The following PHF24 variants were observed in gnomAD, a reference collection of about 807,000 sequenced individuals.
PHF24 encodes the protein PHD finger protein 24, also known as Galpha inhibitory interacting protein.
In PHF24, 25 loss-of-function variants were observed where a neutral mutation model predicts 42.6. That is an observed-to-expected ratio of 0.59 (90% CI 0.43 to 0.82). The LOEUF (loss-of-function observed/expected upper bound fraction) is 0.82, where lower values mean the gene tolerates loss of function less well. Among genes scored for constraint, PHF24 ranks in the 40% least tolerant of loss-of-function variants. The probability of loss-of-function intolerance (pLI) is 0.00; values close to 1 mark genes in which losing one functional copy is unlikely to be tolerated. For synonymous variants in PHF24, 185 were observed against 204.8 expected (o/e 0.90, Z 0.83); for missense variants, 470 against 538.1 (o/e 0.87, Z 1.25).
At chr9:34,908,307 A>G in the PHF24 span, among the ~76,000 whole-genome samples, 4 of 152,208 alleles carry the variant, frequency 2.6e-5, no homozygotes, top group Non-Finnish European at 1.5e-5. Flanking sequence ...GCCATAGACA[A>G]TTCATTGATC....
the PHF24 span, among the ~76,000 whole-genome samples, chr9:34,768,518 A>C: frequency 3.9e-4 from 59 of 152,280 alleles, no homozygotes; most frequent in East Asian, 0.011. Flanking sequence ...CTTTTTAAAA[A>C]ATCTGTAAAA....
At chr9:34,875,936 A>ACTCTCTCTCTCTCT in the PHF24 span, among the ~76,000 whole-genome samples, 71 of 87,804 alleles carry the variant, frequency 8.1e-4, no homozygotes, top group East Asian at 2.2e-3. Context: ...ACACACACAC[A>ACTCTCTCTCTCTCT]CACACACACA....
the PHF24 span, chr9:34,727,972 C>G: frequency 6.6e-7 from 1 of 1,522,492 alleles, no homozygotes; most frequent in Non-Finnish European, 8.9e-7. Context: ...GCCAAGAAAT[C>G]ATCATAGGCC....
At chr9:34,805,997 T>C in the PHF24 span, among the ~76,000 whole-genome samples, 10 of 152,348 alleles carry the variant, frequency 6.6e-5, no homozygotes, top group South Asian at 2.1e-3. Flanking sequence ...TTGACTGATC[T>C]TGGTAGCCTT....
chr9:34,706,468 T>C, the PHF24 span, among the ~76,000 whole-genome samples: 149 of 152,330 alleles, frequency 9.8e-4, no homozygotes, highest in African/African-American at 3.4e-3. Flanking sequence ...CTTTTGGTAC[T>C]TTTGGATATA....
chr9:34,977,674 C>A lies in PHF24; in HGVS notation c.1106+33C>A, dbSNP rs751553579. 37 of 1,501,780 alleles carry A rather than the reference C, an allele frequency of 2.5e-5. No individual in the cohort carries two copies. In the African/African-American group the frequency reaches 4.6e-4, roughly 19 times the overall value. 93.0% of individuals were successfully genotyped at this position (1,501,780 alleles called of 1,614,324 possible). The stretch of plus-strand genomic sequence containing the variant: ...GGACCTCCTCACCTGGCCATTTGTA[C>A]CCTCTGAACCCCCACAAAACACACA... On this transcript the variant is annotated intron_variant, in intron 7 of 7. Transcript: ENST00000242315.
the PHF24 span, among the ~76,000 whole-genome samples, chr9:34,847,439 T>C: frequency 5.3e-5 from 8 of 151,992 alleles, no homozygotes; most frequent in South Asian, 2.1e-4. Flanking sequence ...GTGATTTTTG[T>C]ACATTGATTT....
At chr9:34,832,849 T>C in the PHF24 span, 7 of 1,551,598 alleles carry the variant, frequency 4.5e-6, no homozygotes, top group African/African-American at 1.4e-5. Flanking sequence ...GAATTGTTGC[T>C]GGTTCAAGGA....
chr9:34,805,864 T>G, the PHF24 span, among the ~76,000 whole-genome samples: 4 of 152,322 alleles, frequency 2.6e-5, no homozygotes, highest in Middle Eastern at 3.4e-3. Context: ...AAGTCTTAGA[T>G]CCAACTTTGT....
At chr9:34,901,902 ACT>A in the PHF24 span, among the ~76,000 whole-genome samples, 1 of 152,248 alleles carries the variant, frequency 6.6e-6, no homozygotes, top group Non-Finnish European at 1.5e-5. Flanking sequence ...TCTGGAATTT[ACT>A]TCAAAACGAG....
chr9:34,798,449 A>G, the PHF24 span, among the ~76,000 whole-genome samples: 1 of 152,202 alleles, frequency 6.6e-6, no homozygotes, highest in East Asian at 1.9e-4. Context: ...CCCACTTACA[A>G]GTGAGAACAT....
upstream of PHF24, among the ~76,000 whole-genome samples, chr9:34,955,667 ACT>A (rs980381961): frequency 3.6e-4 from 55 of 152,140 alleles, no homozygotes; most frequent in African/African-American, 1.3e-3. Flanking sequence ...ACAGAATGAG[ACT>A]CTGTCTCAAA....
the PHF24 span, among the ~76,000 whole-genome samples, chr9:34,848,254 G>A: frequency 0.028 from 4,079 of 144,876 alleles, 100 homozygotes; most frequent in Admixed American, 0.044. Context: ...TTGGTAAGCT[G>A]TTGATTATTG....
the PHF24 span, among the ~76,000 whole-genome samples, chr9:34,770,632 A>T: frequency 2.2e-4 from 34 of 152,160 alleles, no homozygotes; most frequent in Non-Finnish European, 3.7e-4. Context: ...ATATTTGCCT[A>T]TATTTTATAC....
At chr9:34,744,790 C>A in the PHF24 span, among the ~76,000 whole-genome samples, 3 of 152,080 alleles carry the variant, frequency 2.0e-5, no homozygotes, top group African/African-American at 7.2e-5. Context: ...AAGAATAGGT[C>A]TTGCCAAAAT....
chr9:34,666,163 G>A, the PHF24 span: 1 of 175,034 alleles, frequency 5.7e-6, no homozygotes, highest in Non-Finnish European at 1.2e-5. Flanking sequence ...ATCTTACGGG[G>A]TGAGGCCAGG....
chr9:34,773,982 A>G, the PHF24 span, among the ~76,000 whole-genome samples: 1 of 152,234 alleles, frequency 6.6e-6, no homozygotes, highest in East Asian at 1.9e-4. Context: ...TGATGTATCA[A>G]TATTAGTATA....
chr9:34,888,167 A>G, the PHF24 span, among the ~76,000 whole-genome samples: 1 of 152,234 alleles, frequency 6.6e-6, no homozygotes, highest in African/African-American at 2.4e-5. Flanking sequence ...AACTCAACTT[A>G]CATATCATCT....
At chr9:34,751,151 T>G in the PHF24 span, among the ~76,000 whole-genome samples, 2 of 152,154 alleles carry the variant, frequency 1.3e-5, no homozygotes, top group African/African-American at 4.8e-5. Context: ...GATCACCTGA[T>G]GTCATGAGTT....
Sources: gnomAD v4.1 joint callset for allele counts (sites outside exome capture counted in the v4.1 genomes callset) on GRCh38, gnomAD v4.1.1 for gene constraint, MANE v1.5 for transcripts, NCBI Gene and HGNC (gene_info 2026-07-23, HGNC 2026-07-21) for gene names.